Variants in CUX1 observed in about 807,000 individuals in gnomAD.
CUX1 encodes the protein cut like homeobox 1, also known as protein CASP.
A neutral mutation model predicts 158.8 loss-of-function variants in CUX1; 31 were observed. The observed-to-expected ratio is 0.20, with a 90% CI of 0.15 to 0.26. CUX1 has a LOEUF of 0.26. CUX1 is among the 10% of genes least tolerant of loss of function. The pLI is 1.00. For synonymous variants in CUX1, 879 were observed against 862.1 expected, an observed-to-expected ratio of 1.02 and a Z score of -0.34; for missense variants, 1,589 against 2,014.6, an observed-to-expected ratio of 0.79 and a Z score of 4.04.
chr7:102,011,452 G>C (rs1257537336), intron 2 of CUX1, among the ~76,000 whole-genome samples: 4 of 151,748 alleles, frequency 2.6e-5, no homozygotes, highest in Non-Finnish European at 5.9e-5. Context: ...TTGCTTGCTT[G>C]CTTATTTATT....
chr7:101,948,724 G>A (rs998044427), intron 2 of CUX1, among the ~76,000 whole-genome samples: 17 of 152,256 alleles, frequency 1.1e-4, no homozygotes, highest in African/African-American at 2.9e-4. Flanking sequence ...CCTTCAACCC[G>A]CCCTGGTACA....
chr7:102,209,666 C>A (rs536034106), intron 20 of CUX1, among the ~76,000 whole-genome samples: 3 of 152,036 alleles, frequency 2.0e-5, no homozygotes, highest in Non-Finnish European at 2.9e-5. Flanking sequence ...ATTTGGAAAA[C>A]TTCATTTCAA....
At chr7:102,227,866 C>G (rs1798506513) in intron 21 of CUX1, among the ~76,000 whole-genome samples, 197 bp downstream of exon 21, 1 of 152,150 alleles carries the variant, frequency 6.6e-6, no homozygotes, top group Admixed American at 6.6e-5. Context: ...CCTCCCCACC[C>G]TGCACCCCCA....
chr7:102,267,084 G>A lies in CUX1; in HGVS notation c.1256-6282G>A, dbSNP rs141473888. ...CAGGCATGGGGAGCCGGCTGGGGGGGCTCAGTGGTCACCTGAGGCTACCTG... is the reference window on the plus strand; with the variant it reads ...CAGGCATGGGGAGCCGGCTGGGGGGACTCAGTGGTCACCTGAGGCTACCTG... On this transcript the variant is annotated intron_variant, in intron 14 of 22. Transcript: ENST00000292538. Among the ~76,000 whole-genome samples the A allele has an allele frequency of 9.2e-4, 140 of 152,132 alleles. 1 individual carries two copies. Among genetic ancestry groups the A allele is most frequent in the African/African-American group, 3.3e-3 (135 of 41,504 alleles).
intron 14 of CUX1, among the ~76,000 whole-genome samples, chr7:102,265,513 C>G (rs558057439): frequency 6.6e-6 from 1 of 152,018 alleles, no homozygotes; most frequent in South Asian, 2.1e-4. Flanking sequence ...TCATCGCTCA[C>G]TGCAGCCTTG....
chr7:102,171,232 G>C (rs144588189), intron 10 of CUX1, among the ~76,000 whole-genome samples: 2 of 152,250 alleles, frequency 1.3e-5, no homozygotes, highest in African/African-American at 4.8e-5. Flanking sequence ...CCCCAGTGCA[G>C]ACCCCAGCTC....
chr7:102,124,272 A>G (rs543686941), intron 8 of CUX1, among the ~76,000 whole-genome samples: 33 of 152,254 alleles, frequency 2.2e-4, no homozygotes, highest in African/African-American at 7.7e-4. Context: ...GATAACGGGC[A>G]TTTCTGCAGC....
intron 21 of CUX1, chr7:102,282,613 G>C (rs898286518): frequency 7.6e-7 from 1 of 1,315,048 alleles, no homozygotes; most frequent in Non-Finnish European, 1.1e-6. Context: ...TCTGGGGCTC[G>C]AGAACCTTTA....
chr7:102,071,369 G>A (rs1826107613), intron 4 of CUX1, among the ~76,000 whole-genome samples: 1 of 152,190 alleles, frequency 6.6e-6, no homozygotes, highest in African/African-American at 2.4e-5. Flanking sequence ...GAGAAGGCAG[G>A]TAGAGTGCCT....
At chr7:101,842,264 A>C (rs769312412) in intron 1 of CUX1, among the ~76,000 whole-genome samples, 2 of 152,168 alleles carry the variant, frequency 1.3e-5, no homozygotes, top group Non-Finnish European at 2.9e-5. Flanking sequence ...GTGTTTTTTG[A>C]GTAGAAAAAA....
At chr7:101,885,210 T>C (rs976147648) in intron 1 of CUX1, among the ~76,000 whole-genome samples, 5 of 152,126 alleles carry the variant, frequency 3.3e-5, no homozygotes, top group Admixed American at 1.3e-4. Flanking sequence ...CGTGCCCTGA[T>C]TGGGGCTGGA....
chr7:102,282,286 C>A (rs139935996), intron 21 of CUX1, among the ~76,000 whole-genome samples: 9 of 152,304 alleles, frequency 5.9e-5, no homozygotes, highest in African/African-American at 2.2e-4. Flanking sequence ...GCGTCTTGAA[C>A]TAACCTCCCC....
At position 101,828,534 on chromosome 7, in the gene CUX1, C is replaced by T. The variant is rs538227707; in HGVS notation, c.30+10865C>T. ...AAAGTGCATGTTGTAGTTCTCAAAA[C>T]CCAAAAAAATCTAAGAGAAACCCAG... On this transcript the variant is annotated intron_variant, in intron 1 of 23. Transcript: ENST00000292535. Among the ~76,000 whole-genome samples, 78 of 152,230 alleles carry T rather than the reference C, an allele frequency of 5.1e-4. No homozygotes were observed. The South Asian group carries it at 6.0e-3, about 12-fold the overall frequency.
At position 102,060,606 on chromosome 7, in the gene CUX1, T is replaced by C. The variant is rs934805532; in HGVS notation, c.190-9733T>C. 0.021 allele frequency among the ~76,000 whole-genome samples: 433 copies of C among 20,242 alleles called. 8 individuals are homozygous for C. In the East Asian group the frequency reaches 0.3, roughly 14 times the overall value. 13.3% of individuals were successfully genotyped at this position (20,242 alleles called of 152,430 possible). ...ATATATATATATACACACACACAAATAAACACACACACACACACACACACA... is the reference window on the plus strand; with the variant it reads ...ATATATATATATACACACACACAAACAAACACACACACACACACACACACA... On this transcript the variant is annotated intron_variant, in intron 3 of 23. Coordinates refer to ENST00000292535, the MANE Select transcript of CUX1 (RefSeq NM_181552.4).
intron 8 of CUX1, among the ~76,000 whole-genome samples, chr7:102,120,862 G>A (rs1650190106): frequency 6.6e-6 from 1 of 152,098 alleles, no homozygotes; most frequent in South Asian, 2.1e-4. Flanking sequence ...CCAAGAGTTT[G>A]AGACCAGCCT....
intron 11 of CUX1, chr7:102,188,477 C>T (rs1554515931): frequency 6.6e-6 from 1 of 152,190 alleles, no homozygotes. Flanking sequence ...GCAATGGCTC[C>T]TCTCACAAGA....
In CUX1 at chr7:101,869,465, C is replaced by T. The variant is rs918110817; in HGVS notation, c.31-46650C>T. 5.3e-5 allele frequency among the ~76,000 whole-genome samples: 8 copies of T among 152,112 alleles called. No homozygotes were observed. Among genetic ancestry groups the T allele is most frequent in the African/African-American group, 1.9e-4 (8 of 41,416 alleles). On this transcript the variant is annotated intron_variant, in intron 1 of 23. Transcript: ENST00000292535. This position sits in a 1 kb window ranked among gnomAD's most constrained non-coding sequence, Gnocchi z 4.5. The stretch of plus-strand genomic sequence containing the variant: ...TCCTAATGCCTGGCATGTGCGTCAA[C>T]GCATCTCTGAGGATGGAATTTAAAG...
At chr7:101,963,102 C>T (rs1164014021) in intron 2 of CUX1, among the ~76,000 whole-genome samples, 1 of 152,166 alleles carries the variant, frequency 6.6e-6, no homozygotes, top group Admixed American at 6.6e-5. Flanking sequence ...CTCCTGGTTC[C>T]CCCTGCTGAT....
At chr7:101,964,246 A>G (rs901439982) in intron 2 of CUX1, among the ~76,000 whole-genome samples, 3 of 152,110 alleles carry the variant, frequency 2.0e-5, no homozygotes, top group African/African-American at 4.8e-5. Flanking sequence ...CCAGCTTCTC[A>G]GGAGGCTGAG....
Sources: allele counts gnomAD v4.1 joint callset (sites outside exome capture counted in the v4.1 genomes callset), GRCh38; gene constraint gnomAD v4.1.1; non-coding constraint Gnocchi (gnomAD v3.1); transcripts MANE v1.5; gene names NCBI Gene and HGNC (gene_info 2026-07-23, HGNC 2026-07-21).